NF1: variants seen among roughly 807,000 people sequenced by gnomAD.
The protein encoded by NF1 is neurofibromin.
NF1 carries 122 observed loss-of-function variants against 325.7 expected under a neutral mutation model. That is an observed-to-expected ratio of 0.37 (90% CI 0.32 to 0.44). The LOEUF (loss-of-function observed/expected upper bound fraction) is 0.44. Among genes scored for constraint, NF1 ranks in the 20% least tolerant of loss-of-function variants. The pLI is 1.00. For missense variants in NF1, 2,140 were observed against 3,415.4 expected (o/e 0.63, Z 9.31); for synonymous variants, 1,091 against 1,186.0 (o/e 0.92, Z 1.65).
chr17:31,367,211 C>G, intron 57 of NF1: 1 of 1,301,716 alleles, frequency 7.7e-7, no homozygotes, highest in Non-Finnish European at 1.0e-6. Context: ...TTTTTTCTTC[C>G]ATTCTTTGTA....
intron 36 of NF1, among the ~76,000 whole-genome samples, chr17:31,294,358 C>T (rs2068415521): frequency 6.6e-6 from 1 of 152,176 alleles, no homozygotes; most frequent in Non-Finnish European, 1.5e-5. Context: ...CTAGTGTCTT[C>T]TAGCTTTTTG....
At chr17:31,173,967 A>AG (rs1193182533) in intron 5 of NF1, among the ~76,000 whole-genome samples, 1 of 152,230 alleles carries the variant, frequency 6.6e-6, no homozygotes, top group Non-Finnish European at 1.5e-5. Flanking sequence ...GAGAATTCAA[A>AG]GGGGTACTTT....
intron 18 of NF1, 49 bp from the exon 19 acceptor site, chr17:31,227,169 A>T (rs775601134): frequency 2.5e-6 from 4 of 1,582,344 alleles, no homozygotes; most frequent in Non-Finnish European, 2.6e-6. Flanking sequence ...CTCCATTGGC[A>T]GGCAGGGCTC....
Position 31,374,275 on chromosome 17 carries a change from C to A in NF1, c.*120C>A. ...CTGCACTTCCTGTTTTATAATGAAC[C>A]CATCCGGTTTGCCATGTTGCCAGAT... On this transcript the variant is annotated 3_prime_UTR_variant, in exon 58 of 58. Transcript: ENST00000358273. 2.9e-6 allele frequency: 4 copies of A among 1,358,794 alleles called. No individual in the cohort carries two copies. Among genetic ancestry groups the A allele is most frequent in the Non-Finnish European group, 4.2e-6 (4 of 960,036 alleles). The allele number at this position is 1,358,794 out of a possible 1,614,324, so 84.2% of individuals were successfully genotyped here.
chr17:31,287,957 G>A (rs1273891225), intron 36 of NF1, among the ~76,000 whole-genome samples: 3 of 148,772 alleles, frequency 2.0e-5, no homozygotes, highest in African/African-American at 5.0e-5. Context: ...GGGAGGGATA[G>A]CATTGGGAGA....
chr17:31,330,171 A>T, intron 38 of NF1, 125 bp from the exon 39 acceptor site: 1 of 814,912 alleles, frequency 1.2e-6, no homozygotes, highest in East Asian at 2.6e-5. Context: ...TTTCTAACTG[A>T]TCATAAAATT....
intron 36 of NF1, among the ~76,000 whole-genome samples, chr17:31,315,870 C>T (rs2069008069): frequency 6.6e-6 from 1 of 151,958 alleles, no homozygotes; most frequent in Admixed American, 6.5e-5. Flanking sequence ...TTTATGGGCT[C>T]CTACTATAAA....
At chr17:31,135,146 T>C (rs932741152) in intron 1 of NF1, among the ~76,000 whole-genome samples, 3 of 152,238 alleles carry the variant, frequency 2.0e-5, no homozygotes, top group Non-Finnish European at 4.4e-5. Flanking sequence ...GTCTGCTAGA[T>C]CTTACTACTG....
intron 1 of NF1, chr17:31,138,016 C>T (rs965431409): frequency 6.6e-5 from 10 of 151,870 alleles, no homozygotes; most frequent in Non-Finnish European, 1.5e-4. Context: ...TTCTGCAGTT[C>T]AATAATAACA....
intron 29 of NF1, among the ~76,000 whole-genome samples, chr17:31,248,452 CAAATT>C (rs1414818260): frequency 3.9e-5 from 6 of 152,074 alleles, no homozygotes; most frequent in African/African-American, 1.2e-4. Context: ...TATTTCCACA[CAAATT>C]AAAGTTAATA....
At chr17:31,263,062 G>GATA (rs1567864057) in intron 35 of NF1, among the ~76,000 whole-genome samples, 51 of 148,452 alleles carry the variant, frequency 3.4e-4, no homozygotes, top group Middle Eastern at 3.4e-3. Flanking sequence ...TAGGTAGGTA[G>GATA]GTAGGTAGAT....
intron 48 of NF1, among the ~76,000 whole-genome samples, chr17:31,344,289 C>A (rs17878560): frequency 9.2e-4 from 140 of 152,304 alleles, no homozygotes; most frequent in African/African-American, 3.2e-3. Flanking sequence ...CATTCACTTC[C>A]TAACCTGGTT....
At chr17:31,316,891 G>T (rs58877437) in intron 36 of NF1, among the ~76,000 whole-genome samples, 1 of 151,890 alleles carries the variant, frequency 6.6e-6, no homozygotes, top group Non-Finnish European at 1.5e-5. Context: ...ATAGCTAGAC[G>T]TTTGAATTTG....
chr17:31,112,837 T>A lies in NF1; in HGVS notation c.60+17468T>A, dbSNP rs1913540443. On this transcript the variant is annotated intron_variant, in intron 1 of 57. Coordinates refer to ENST00000358273, the MANE Select transcript of NF1 (RefSeq NM_001042492.3). Reference sequence around the variant, plus strand: ...TAAGGTATCTTTTTCTAATATAAGGTCACAAATTTTTCTCCTCTGTTTTCT... The same window carrying A: ...TAAGGTATCTTTTTCTAATATAAGGACACAAATTTTTCTCCTCTGTTTTCT... Among the ~76,000 whole-genome samples the A allele has an allele frequency of 4.6e-5, 7 of 152,308 alleles. 1 individual carries two copies. In the South Asian group the frequency reaches 1.4e-3, roughly 32 times the overall value.
intron 57 of NF1, chr17:31,361,148 C>A (rs2070391918): frequency 6.5e-6 from 1 of 154,252 alleles, no homozygotes; most frequent in Non-Finnish European, 1.4e-5. Context: ...AGGTACCTCA[C>A]TTTCCTGCTG....
chr17:31,136,628 T>C (rs1203738955), intron 1 of NF1: 1 of 152,234 alleles, frequency 6.6e-6, no homozygotes, highest in Non-Finnish European at 1.5e-5. Context: ...AGTAGCCATC[T>C]CATTTATCAG....
intron 14 of NF1, among the ~76,000 whole-genome samples, chr17:31,219,812 A>G (rs1392872865): frequency 2.6e-5 from 4 of 152,176 alleles, no homozygotes; most frequent in Non-Finnish European, 5.9e-5. Flanking sequence ...AAATAGAATC[A>G]TAGAATATGT....
intron 1 of NF1, among the ~76,000 whole-genome samples, chr17:31,118,473 A>G (rs945661191): frequency 6.6e-6 from 1 of 151,974 alleles, no homozygotes; most frequent in Middle Eastern, 3.4e-3. Flanking sequence ...CCAGTGTGTG[A>G]TGTTCCCCTC....
intron 36 of NF1, among the ~76,000 whole-genome samples, chr17:31,293,207 A>AAAAAAAAAAAAAAAAAAAC (rs1326132503): frequency 7.6e-6 from 1 of 131,906 alleles, no homozygotes; most frequent in Non-Finnish European, 1.6e-5. Flanking sequence ...AAAAAAAAAA[A>AAAAAAAAAAAAAAAAAAAC]AAAAGAAACC....
Sources: allele counts gnomAD v4.1 joint callset (sites outside exome capture counted in the v4.1 genomes callset), GRCh38; gene constraint gnomAD v4.1.1; transcripts MANE v1.5; gene names NCBI Gene and HGNC (gene_info 2026-07-23, HGNC 2026-07-21).